The following CSMD2 variants were observed in gnomAD, a reference collection of about 807,000 sequenced individuals.
The protein encoded by CSMD2 is CUB and sushi domain-containing protein 2.
CSMD2 carries 130 observed loss-of-function variants against 398.5 expected under a neutral mutation model. The observed-to-expected ratio is 0.33, with a 90% CI of 0.28 to 0.38. CSMD2 has a LOEUF of 0.38. CSMD2 is among the 10% of genes least tolerant of loss of function. The pLI, the probability that CSMD2 is intolerant of heterozygous loss-of-function variation, is 1.00. For missense variants in CSMD2, 3,829 were observed against 4,764.9 expected (o/e 0.80, Z 5.78); for synonymous variants, 1,828 against 1,908.5 (o/e 0.96, Z 1.10).
intron 67 of CSMD2, 103 bp from the exon 68 acceptor site, chr1:33,521,653 C>A (rs1654309182): frequency 2.5e-6 from 2 of 794,420 alleles, no homozygotes; most frequent in Non-Finnish European, 4.5e-6. Context: ...CACTGACCTG[C>A]TGCTCTGACA....
In CSMD2 at chr1:33,571,702, C is replaced by T. The variant is rs1311974947; in HGVS notation, c.7787G>A (p.Ser2596Asn). 6.5e-7 allele frequency: 1 copy of T among 1,527,974 alleles called. No homozygotes were observed. Among genetic ancestry groups the T allele is most frequent in the South Asian group, 1.3e-5 (1 of 77,226 alleles). 94.7% of individuals were successfully genotyped at this position (1,527,974 alleles called of 1,614,324 possible). A position where few individuals can be genotyped will look rare whatever the true frequency, so the allele number is the denominator to read the frequency against. ...CCATCGGCCATGCTCCACGCTGATG[C>T]TACTGACATCAGGACAAGTCACAGC... ...CVPVTCPDVS[S>N]ISVEHGRWRL... Residue 2596 changes from serine (S) to asparagine (N), a missense_variant, in exon 51 of 71, where the codon AGC (serine) becomes AAC (asparagine). Transcript: ENST00000373381.
intron 25 of CSMD2, among the ~76,000 whole-genome samples, chr1:33,667,518 T>C (rs768406943): frequency 7.2e-5 from 11 of 152,212 alleles, no homozygotes; most frequent in Non-Finnish European, 1.5e-4. Flanking sequence ...CAGACCTTAG[T>C]GCTTCTACTC....
At chr1:33,568,111 C>T (rs1292491675) in intron 52 of CSMD2, among the ~76,000 whole-genome samples, 1 of 151,782 alleles carries the variant, frequency 6.6e-6, no homozygotes, top group Non-Finnish European at 1.5e-5. Flanking sequence ...TTCTTACCAA[C>T]CAGATACAAA....
In CSMD2 at chr1:33,999,535, G is replaced by A. The variant is rs6677785; in HGVS notation, c.517+33059C>T. 9.9e-3 allele frequency among the ~76,000 whole-genome samples: 1,503 copies of A among 151,792 alleles called. 22 individuals are homozygous for A. The highest frequency in any genetic ancestry group is 0.035 in the African/African-American group (1,439 of 41,352). ...CTCAGCCTCCTGAGTAGTTGGGACC[G>A]CATGCATGCACCACCTCACCCAGCT... On this transcript the variant is annotated intron_variant, in intron 3 of 70. Transcript: ENST00000373381.
intron 4 of CSMD2, among the ~76,000 whole-genome samples, chr1:33,934,452 T>C (rs960740143): frequency 1.3e-5 from 2 of 152,224 alleles, no homozygotes; most frequent in Non-Finnish European, 2.9e-5. Context: ...CAAGGCTGGA[T>C]GGAGCTTTCA....
chr1:33,523,693 G>A (rs1654515696), intron 66 of CSMD2, among the ~76,000 whole-genome samples: 1 of 152,220 alleles, frequency 6.6e-6, no homozygotes, highest in Non-Finnish European at 1.5e-5. Context: ...ACAGGCATGT[G>A]TGAGAATATG....
chr1:34,030,203 A>G (rs1263435232), intron 3 of CSMD2, among the ~76,000 whole-genome samples: 1 of 152,228 alleles, frequency 6.6e-6, no homozygotes, highest in East Asian at 1.9e-4. Flanking sequence ...ATTCTATTCA[A>G]TTTTAGTTAA....
chr1:33,895,566 G>A (rs891454994), intron 5 of CSMD2, among the ~76,000 whole-genome samples: 1 of 152,146 alleles, frequency 6.6e-6, no homozygotes, highest in Non-Finnish European at 1.5e-5. Context: ...GCCACCCCAC[G>A]GGTGGTGGCT....
chr1:33,848,738 A>G (rs1638473615), intron 5 of CSMD2, among the ~76,000 whole-genome samples: 2 of 152,174 alleles, frequency 1.3e-5, no homozygotes. Flanking sequence ...GTATTTCACC[A>G]GATCCCATTT....
chr1:33,986,811 T>G (rs1481079820), intron 3 of CSMD2, among the ~76,000 whole-genome samples: 1 of 152,194 alleles, frequency 6.6e-6, no homozygotes, highest in Non-Finnish European at 1.5e-5. Flanking sequence ...TCTGTCAGCA[T>G]GGACTCCAGG....
chr1:34,016,424 T>A (rs1236661630), intron 3 of CSMD2, among the ~76,000 whole-genome samples: 1 of 152,130 alleles, frequency 6.6e-6, no homozygotes, highest in African/African-American at 2.4e-5. Flanking sequence ...TGTTCCTCTG[T>A]TAGTTTGCTG....
intron 12 of CSMD2, among the ~76,000 whole-genome samples, chr1:33,786,316 T>C (rs960779172): frequency 2.6e-5 from 4 of 152,224 alleles, no homozygotes; most frequent in African/African-American, 7.2e-5. Flanking sequence ...TTTGGGAACA[T>C]TCACTGCTGA....
At chr1:34,005,306 G>A (rs1647022983) in intron 3 of CSMD2, among the ~76,000 whole-genome samples, 1 of 152,212 alleles carries the variant, frequency 6.6e-6, no homozygotes, top group South Asian at 2.1e-4. Context: ...GGGTGCATCT[G>A]TGATAGTGAA....
chr1:34,061,254 C>A (rs1229384491), intron 2 of CSMD2, among the ~76,000 whole-genome samples: 1 of 152,188 alleles, frequency 6.6e-6, no homozygotes, highest in Non-Finnish European at 1.5e-5. Flanking sequence ...TGGTGAGAAG[C>A]AGGCTGGACA....
chr1:33,686,178 G>C (rs1452335964), intron 25 of CSMD2, among the ~76,000 whole-genome samples: 2 of 152,204 alleles, frequency 1.3e-5, no homozygotes, highest in Non-Finnish European at 2.9e-5. Context: ...GCAGAACCAA[G>C]AGCAAAGGGC....
chr1:33,953,277 A>ACC (rs970614008), intron 3 of CSMD2, among the ~76,000 whole-genome samples: 14 of 152,166 alleles, frequency 9.2e-5, no homozygotes, highest in Admixed American at 5.9e-4. Flanking sequence ...AGAGCTCCCC[A>ACC]CCATATTAAA....
chr1:33,709,228 T>C lies in CSMD2; in HGVS notation c.3437A>G (p.Gln1146Arg). 6.2e-7 allele frequency: 1 copy of C among 1,613,906 alleles called. No individual in the cohort carries two copies. Among genetic ancestry groups the C allele is most frequent in the African/African-American group, 1.3e-5 (1 of 75,044 alleles). The part of the protein sequence containing the change: ...AECGNSVTGT[Q>R]GTLLSPNFPV... ...AAAGTTGGGGGACAGCAAAGTACCC[T>C]GAGTGCCTGTGACTGAATTCCCACA... Residue 1146 changes from glutamine to arginine, a missense_variant, in exon 22 of 71, where the codon CAG becomes CGG. Physicochemically the swap from Gln to Arg is conservative, Grantham distance 43 (BLOSUM62 1). Coordinates refer to ENST00000373381, the MANE Select transcript of CSMD2 (RefSeq NM_001281956.2).
rs3078758 is a variant in CSMD2, at chr1:33,643,889, T to TGAAGGAAGGAAG, written c.4774+2747_4774+2758dup. On this transcript the variant is annotated intron_variant, in intron 29 of 70. Transcript: ENST00000373381. ...TATTAGGAGGTGTGTAGTCTGGGAATGAAGGAAGGAAGGAAGGAAGGAAGG... is the reference window on the plus strand; with the variant it reads ...TATTAGGAGGTGTGTAGTCTGGGAATGAAGGAAGGAAGGAAGGAAGGAAGGAAGGAAGGAAGG... 1.5e-3 allele frequency among the ~76,000 whole-genome samples: 208 copies of TGAAGGAAGGAAG among 142,912 alleles called. 2 individuals are homozygous for TGAAGGAAGGAAG. The highest frequency in any genetic ancestry group is 6.4e-3 in the South Asian group (28 of 4,370). The allele number at this position is 142,912 out of a possible 152,430, so 93.8% of individuals were successfully genotyped here. A position where few individuals can be genotyped will look rare whatever the true frequency, so the allele number is the denominator to read the frequency against.
intron 32 of CSMD2, among the ~76,000 whole-genome samples, 186 bp from the exon 33 acceptor site, chr1:33,626,767 G>C (rs970073128): frequency 2.0e-5 from 3 of 152,196 alleles, no homozygotes; most frequent in Non-Finnish European, 4.4e-5. Flanking sequence ...TTTATAGAAA[G>C]CTTTTTCATT....
Sources: allele counts gnomAD v4.1 joint callset (sites outside exome capture counted in the v4.1 genomes callset), GRCh38; gene constraint gnomAD v4.1.1; transcripts MANE v1.5; gene names NCBI Gene and HGNC (gene_info 2026-07-23, HGNC 2026-07-21).